PDE4D: variants seen among roughly 807,000 people sequenced by gnomAD.
PDE4D encodes phosphodiesterase 4D.
In PDE4D, 24 loss-of-function variants were observed where a neutral mutation model predicts 87.4. The ratio of observed to expected loss-of-function variants is 0.27; its 90% CI spans 0.20 to 0.39. The LOEUF is 0.39. Among genes scored for constraint, PDE4D ranks in the 10% least tolerant of loss-of-function variants. The pLI is 1.00. For synonymous variants in PDE4D, 384 were observed against 383.2 expected, an observed-to-expected ratio of 1.00 and a Z score of -0.02; for missense variants, 714 against 1,041.0, an observed-to-expected ratio of 0.69 and a Z score of 4.32.
chr5:60,358,666 T>C (rs1453316258), intron 1 of PDE4D, among the ~76,000 whole-genome samples: 2 of 152,102 alleles, frequency 1.3e-5, no homozygotes, highest in African/African-American at 4.8e-5. Flanking sequence ...GCGACATAAT[T>C]TACCAAAGCA....
chr5:59,139,352 AT>A (rs1777567717), intron 5 of PDE4D, among the ~76,000 whole-genome samples: 1 of 152,184 alleles, frequency 6.6e-6, no homozygotes, highest in South Asian at 2.1e-4. Flanking sequence ...GGGCTGACCC[AT>A]TTTTTGAGGC....
rs1222867132 is a variant in PDE4D at position 59,093,633 on chromosome 5, C to T, written c.809-54662G>A. Among the ~76,000 whole-genome samples the T allele has an allele frequency of 3.3e-5, 5 of 152,166 alleles. No individual in the cohort carries two copies. In the South Asian group the frequency reaches 6.2e-4, roughly 19 times the overall value. On this transcript the variant is annotated intron_variant, in intron 5 of 14. Coordinates refer to ENST00000340635, the MANE Select transcript of PDE4D (RefSeq NM_001104631.2). The stretch of plus-strand genomic sequence containing the variant: ...TGCAACAGTGCAACCCTACAGTTGA[C>T]GAGCCCTATCCATGATCACAGAACT...
At chr5:59,265,295 T>G (rs1180960368) in intron 1 of PDE4D, among the ~76,000 whole-genome samples, 1 of 151,968 alleles carries the variant, frequency 6.6e-6, no homozygotes, top group African/African-American at 2.4e-5. Flanking sequence ...CAGAGGTGGT[T>G]TAGCTTCCCA....
chr5:60,197,074 CAGTTAGATAGATAGATAGAT>C lies in PDE4D; in HGVS notation c.-89-11407_-89-11388del, dbSNP rs1236691781. On this transcript the variant is annotated intron_variant, in intron 1 of 16. Transcript: ENST00000502484. ...ATAGATAGATAGATAGATAGATAGACAGTTAGATAGATAGATAGATAGATAGATAGATAGATAGATAGATA... is the reference window on the plus strand; with the variant it reads ...ATAGATAGATAGATAGATAGATAGACAGATAGATAGATAGATAGATAGATA... Among the ~76,000 whole-genome samples the C allele has an allele frequency of 4.5e-3, 242 of 53,556 alleles. 2 individuals are homozygous for C. Among genetic ancestry groups the C allele is most frequent in the African/African-American group, 0.01 (186 of 18,306 alleles). The allele number at this position is 53,556 out of a possible 152,430, so 35.1% of individuals were successfully genotyped here.
At chr5:59,322,003 T>A (rs27169) in intron 1 of PDE4D, among the ~76,000 whole-genome samples, 1 of 152,158 alleles carries the variant, frequency 6.6e-6, no homozygotes, top group East Asian at 1.9e-4. Context: ...TTTTGCTACA[T>A]AGCAATTAGA....
chr5:59,884,132 T>C (rs1749836312), intron 1 of PDE4D, among the ~76,000 whole-genome samples: 1 of 152,020 alleles, frequency 6.6e-6, no homozygotes, highest in Admixed American at 6.6e-5. Context: ...TTCACACACC[T>C]GTAACAGTTT....
intron 1 of PDE4D, among the ~76,000 whole-genome samples, chr5:59,539,655 T>C (rs1451688952): frequency 1.3e-5 from 2 of 152,200 alleles, no homozygotes; most frequent in African/African-American, 4.8e-5. Flanking sequence ...CCATAAGATA[T>C]AACTTTCTGC....
rs139269347 is a variant in PDE4D, at chr5:60,411,693, C to G, written c.-90+76249G>C. Reference sequence around the variant, plus strand: ...AAAATGACAATTTAAAAGATCGGCTCTAAATCAGGGATTAAAAACCAGATC... The same window carrying G: ...AAAATGACAATTTAAAAGATCGGCTGTAAATCAGGGATTAAAAACCAGATC... On this transcript the variant is annotated intron_variant, in intron 1 of 16. Coordinates refer to the PDE4D transcript ENST00000502484. 3.9e-3 allele frequency among the ~76,000 whole-genome samples: 592 copies of G among 152,264 alleles called. 5 individuals carry two copies. The highest frequency in any genetic ancestry group is 0.014 in the African/African-American group (563 of 41,558).
At chr5:59,021,698 T>A (rs1032079429) in intron 6 of PDE4D, among the ~76,000 whole-genome samples, 1 of 152,138 alleles carries the variant, frequency 6.6e-6, no homozygotes, top group African/African-American at 2.4e-5. Flanking sequence ...GTTGCAACTC[T>A]ACTGTAGGGC....
intron 1 of PDE4D, among the ~76,000 whole-genome samples, chr5:59,819,348 C>T (rs746331669): frequency 2.0e-5 from 3 of 152,182 alleles, no homozygotes; most frequent in African/African-American, 4.8e-5. Flanking sequence ...TATCTGGCAG[C>T]TTCTTGCATG....
chr5:60,134,095 T>C (rs909018965), intron 2 of PDE4D, among the ~76,000 whole-genome samples: 4 of 152,246 alleles, frequency 2.6e-5, no homozygotes, highest in Non-Finnish European at 5.9e-5. Flanking sequence ...AATACATTAA[T>C]AAAGATGCAC....
intron 1 of PDE4D, among the ~76,000 whole-genome samples, chr5:60,226,680 A>C (rs1745143906): frequency 6.6e-6 from 1 of 152,068 alleles, no homozygotes; most frequent in Non-Finnish European, 1.5e-5. Flanking sequence ...ACAAGAGTTA[A>C]GGCTACCCTA....
intron 1 of PDE4D, among the ~76,000 whole-genome samples, chr5:59,417,150 A>G (rs990722646): frequency 6.6e-6 from 1 of 152,156 alleles, no homozygotes; most frequent in African/African-American, 2.4e-5. Flanking sequence ...TATAAAAGAA[A>G]ACTTAAGCAA....
At chr5:59,984,033 T>C (rs540703826) in intron 3 of PDE4D, among the ~76,000 whole-genome samples, 4 of 141,520 alleles carry the variant, frequency 2.8e-5, no homozygotes, top group African/African-American at 9.9e-5. Flanking sequence ...TACACAAACA[T>C]GGATATCAAA....
chr5:60,387,284 T>C (rs1226485443), intron 1 of PDE4D, among the ~76,000 whole-genome samples: 2 of 152,218 alleles, frequency 1.3e-5, no homozygotes, highest in Admixed American at 6.5e-5. Flanking sequence ...CTATTTGAAA[T>C]GTTTTGCTGA....
intron 2 of PDE4D, among the ~76,000 whole-genome samples, chr5:59,213,574 T>A (rs1328187348): frequency 6.6e-6 from 1 of 152,100 alleles, no homozygotes. Flanking sequence ...TTCAAAAAAA[T>A]TCCGCTTGAA....
At chr5:59,069,704 A>C (rs535036474) in intron 5 of PDE4D, among the ~76,000 whole-genome samples, 1 of 152,204 alleles carries the variant, frequency 6.6e-6, no homozygotes, top group East Asian at 1.9e-4. Context: ...TCTTGGCACC[A>C]TTAACCTGGT....
chr5:59,322,438 T>C (rs1774882473), intron 1 of PDE4D, among the ~76,000 whole-genome samples: 1 of 151,994 alleles, frequency 6.6e-6, no homozygotes, highest in South Asian at 2.1e-4. Flanking sequence ...TGTCATCCCT[T>C]TGAAAAGCAC....
chr5:59,289,957 G>T (rs1767700782), intron 1 of PDE4D, among the ~76,000 whole-genome samples: 2 of 151,708 alleles, frequency 1.3e-5, no homozygotes, highest in East Asian at 1.9e-4. Context: ...AGTACCTAGG[G>T]TTAACTAAAC....
Sources: allele counts gnomAD v4.1 joint callset (sites outside exome capture counted in the v4.1 genomes callset), GRCh38; gene constraint gnomAD v4.1.1; transcripts MANE v1.5; gene names NCBI Gene and HGNC (gene_info 2026-07-23, HGNC 2026-07-21).